Variants in ADGRL3 observed in about 807,000 individuals in gnomAD.
ADGRL3 encodes the protein calcium-independent alpha-latrotoxin receptor 3.
A neutral mutation model predicts 153.5 loss-of-function variants in ADGRL3; 62 were observed. That is an observed-to-expected ratio of 0.40 (90% CI 0.33 to 0.50). The LOEUF is 0.50. Ranked by LOEUF, ADGRL3 falls within the 20% of genes least tolerant of loss-of-function variation. The probability of loss-of-function intolerance (pLI) is 0.47; values close to 1 mark genes in which losing one functional copy is unlikely to be tolerated. For synonymous variants in ADGRL3, 710 were observed against 672.5 expected, an observed-to-expected ratio of 1.06 and a Z score of -0.86; for missense variants, 1,641 against 1,859.4, an observed-to-expected ratio of 0.88 and a Z score of 2.16.
chr4:61,460,719 A>G (rs1487307032), intron 2 of ADGRL3, among the ~76,000 whole-genome samples: 3 of 152,254 alleles, frequency 2.0e-5, no homozygotes, highest in African/African-American at 7.2e-5. Flanking sequence ...AGAAAGGCAT[A>G]TCTTTCATGG....
In ADGRL3 at chr4:61,215,225, C is replaced by G. The variant is rs541577827; in HGVS notation, c.-240+13460C>G. Among the ~76,000 whole-genome samples the G allele has an allele frequency of 1.1e-4, 17 of 152,244 alleles. No homozygotes were observed. The South Asian group carries it at 3.5e-3, about 32-fold the overall frequency. On this transcript the variant is annotated intron_variant, in intron 1 of 26. Coordinates refer to ENST00000683033, the MANE Select transcript of ADGRL3 (RefSeq NM_001387552.1). ...AGTATCAATATTTTGTTTAAATCTG[C>G]ACCAGAACATATTTATGGGACAGAG... is the stretch of plus-strand genomic sequence containing the variant.
chr4:61,842,720 C>T (rs948226291), intron 9 of ADGRL3, among the ~76,000 whole-genome samples: 4 of 152,136 alleles, frequency 2.6e-5, no homozygotes, highest in East Asian at 1.9e-4. Context: ...GCAATCCTAA[C>T]GCTAGAGGGT....
At chr4:61,983,740 C>A in intron 19 of ADGRL3, 137 bp downstream of exon 19, 2 of 737,106 alleles carry the variant, frequency 2.7e-6, no homozygotes, top group Non-Finnish European at 4.4e-6. Context: ...CATGGTTATA[C>A]TTTGGTTATG....
chr4:62,065,588 A>T (rs954956022), intron 25 of ADGRL3, among the ~76,000 whole-genome samples: 1 of 151,978 alleles, frequency 6.6e-6, no homozygotes, highest in Non-Finnish European at 1.5e-5. Context: ...AATGTATTCT[A>T]CTCTATTCAG....
chr4:61,556,376 C>G (rs1579511152), intron 4 of ADGRL3, among the ~76,000 whole-genome samples: 2 of 152,024 alleles, frequency 1.3e-5, no homozygotes, highest in East Asian at 3.9e-4. Context: ...GTTTGAGGAA[C>G]AGCAAGGAGA....
chr4:61,293,928 T>C lies in ADGRL3; in HGVS notation c.-239-89196T>C, dbSNP rs540704199. Among the ~76,000 whole-genome samples the C allele has an allele frequency of 4.6e-5, 7 of 152,234 alleles. No homozygotes were observed. The South Asian group carries it at 1.5e-3, about 32-fold the overall frequency. Reference sequence around the variant, plus strand: ...TCTCTTGTGGGTTTTAGGGATAAAATAGGTAATGAACTTAAGAGCTTTGCA... The same window carrying C: ...TCTCTTGTGGGTTTTAGGGATAAAACAGGTAATGAACTTAAGAGCTTTGCA... On this transcript the variant is annotated intron_variant, in intron 1 of 26. Transcript: ENST00000683033.
At chr4:61,742,972 C>G (rs945754726) in intron 8 of ADGRL3, among the ~76,000 whole-genome samples, 2 of 151,424 alleles carry the variant, frequency 1.3e-5, no homozygotes, top group African/African-American at 4.9e-5. Flanking sequence ...ATATAAAATG[C>G]CTTGTGACTG....
At chr4:61,903,042 G>A (rs978954171) in intron 11 of ADGRL3, among the ~76,000 whole-genome samples, 1 of 152,274 alleles carries the variant, frequency 6.6e-6, no homozygotes, top group Middle Eastern at 3.4e-3. Flanking sequence ...TAGATGGATA[G>A]ATAAGCGGAT....
chr4:61,800,907 G>A (rs1260458485), intron 8 of ADGRL3, among the ~76,000 whole-genome samples: 1 of 152,094 alleles, frequency 6.6e-6, no homozygotes. Context: ...ATAGCAGATA[G>A]GACAAATGGC....
At chr4:62,008,211 T>A (rs969633456) in intron 21 of ADGRL3, among the ~76,000 whole-genome samples, 2 of 152,110 alleles carry the variant, frequency 1.3e-5, no homozygotes, top group African/African-American at 4.8e-5. Context: ...TGGACAGAGA[T>A]CTTAGGTTGG....
chr4:61,363,747 T>G (rs966414338), intron 1 of ADGRL3, among the ~76,000 whole-genome samples: 1 of 152,164 alleles, frequency 6.6e-6, no homozygotes, highest in Non-Finnish European at 1.5e-5. Flanking sequence ...TAGTTCTGGA[T>G]AGTTTACTTG....
chr4:61,785,861 G>A (rs1053779006), intron 8 of ADGRL3, among the ~76,000 whole-genome samples: 1 of 152,094 alleles, frequency 6.6e-6, no homozygotes, highest in Non-Finnish European at 1.5e-5. Flanking sequence ...TGGTTAGGAA[G>A]AAACAGTGGA....
At chr4:61,326,298 T>A (rs1370152536) in intron 1 of ADGRL3, among the ~76,000 whole-genome samples, 1 of 152,110 alleles carries the variant, frequency 6.6e-6, no homozygotes, top group Non-Finnish European at 1.5e-5. Flanking sequence ...TATATTCACA[T>A]CCTTTCAAAT....
chr4:61,414,186 C>T (rs1286798907), intron 2 of ADGRL3, among the ~76,000 whole-genome samples: 1 of 152,138 alleles, frequency 6.6e-6, no homozygotes, highest in African/African-American at 2.4e-5. Flanking sequence ...GCATTACATG[C>T]AGATGGCAGC....
intron 21 of ADGRL3, among the ~76,000 whole-genome samples, chr4:62,017,945 G>A (rs534124487): frequency 3.3e-5 from 5 of 152,040 alleles, no homozygotes; most frequent in Non-Finnish European, 5.9e-5. Context: ...GTACAGTGGC[G>A]TGATCTTGGC....
chr4:61,480,385 A>G (rs2098118811), intron 2 of ADGRL3, among the ~76,000 whole-genome samples: 1 of 152,226 alleles, frequency 6.6e-6, no homozygotes, highest in South Asian at 2.1e-4. Flanking sequence ...AGGCTGAATA[A>G]TATTTTGTTG....
chr4:61,462,311 AC>A (rs2097830693), intron 2 of ADGRL3, among the ~76,000 whole-genome samples: 1 of 152,228 alleles, frequency 6.6e-6, no homozygotes, highest in African/African-American at 2.4e-5. Context: ...TTATTAAAAT[AC>A]ATATGCTCTT....
intron 2 of ADGRL3, among the ~76,000 whole-genome samples, chr4:61,432,279 C>T (rs188185470): frequency 6.6e-6 from 1 of 152,040 alleles, no homozygotes; most frequent in Non-Finnish European, 1.5e-5. Flanking sequence ...TCTCCTTTGC[C>T]ACGTTTCTTT....
At chr4:62,021,153 A>G (rs2099236320) in intron 21 of ADGRL3, among the ~76,000 whole-genome samples, 1 of 152,104 alleles carries the variant, frequency 6.6e-6, no homozygotes, top group South Asian at 2.1e-4. Flanking sequence ...CCGAAGGTCA[A>G]TACACAACAG....
Sources: gnomAD v4.1 joint callset for allele counts (sites outside exome capture counted in the v4.1 genomes callset) on GRCh38, gnomAD v4.1.1 for gene constraint, MANE v1.5 for transcripts, NCBI Gene and HGNC (gene_info 2026-07-23, HGNC 2026-07-21) for gene names.